Variants in PCDHGB5 observed in about 807,000 individuals in gnomAD.
PCDHGB5 encodes protocadherin gamma subfamily B, 5.
A neutral mutation model predicts 62.9 loss-of-function variants in PCDHGB5; 48 were observed. The observed-to-expected ratio is 0.76, with a 90% confidence interval of 0.61 to 0.97. The LOEUF (loss-of-function observed/expected upper bound fraction) is 0.97. Among genes scored for constraint, PCDHGB5 ranks in the 50% least tolerant of loss-of-function variants. The pLI is 0.00. For synonymous variants in PCDHGB5, 474 were observed against 511.2 expected, an observed-to-expected ratio of 0.93 and a Z score of 0.98; for missense variants, 1,118 against 1,198.6, an observed-to-expected ratio of 0.93 and a Z score of 0.99.
chr5:141,503,221 C>A (rs528636727), intron 2 of PCDHGB5, among the ~76,000 whole-genome samples: 2 of 151,956 alleles, frequency 1.3e-5, no homozygotes, highest in Non-Finnish European at 2.9e-5. Context: ...CCATGAGCAC[C>A]GTAAAGATGG....
chr5:141,482,102 A>T (rs1016315214), intron 1 of PCDHGB5, among the ~76,000 whole-genome samples: 13 of 151,860 alleles, frequency 8.6e-5, no homozygotes, highest in African/African-American at 2.7e-4. Context: ...AAAAAAAAAA[A>T]AAATATCTAG....
rs1203060261 is a variant in PCDHGB5, at chr5:141,493,037, AG to A, written c.2398-1768del. 3.3e-5 allele frequency among the ~76,000 whole-genome samples: 5 copies of A among 152,252 alleles called. No individual in the cohort carries two copies. The highest frequency in any genetic ancestry group is 2.6e-4 in the Admixed American group (4 of 15,290). ...AGATGCCAGGGTGCCCTTATGTGTG[AG>A]GAAACTACAATAGTAAAAAACACAA... is the stretch of plus-strand genomic sequence containing the variant. On this transcript the variant is annotated intron_variant, in intron 1 of 3. Transcript: ENST00000617380. This position sits in a 1 kb window ranked among gnomAD's most constrained non-coding sequence, Gnocchi z 4.3.
intron 1 of PCDHGB5, chr5:141,405,392 TTC>T (rs1477182661): frequency 6.3e-7 from 1 of 1,595,986 alleles, no homozygotes; most frequent in Non-Finnish European, 8.5e-7. Flanking sequence ...TTCATTTTTT[TTC>T]TTTCTTTCTT....
Position 141,408,776 on chromosome 5 carries a change from C to T in PCDHGB5, c.2397+8252C>T, listed in dbSNP as rs748401410. 54 of 1,611,566 alleles carry T rather than the reference C, an allele frequency of 3.4e-5. No homozygotes were observed. The highest frequency in any genetic ancestry group is 4.4e-5 in the Non-Finnish European group (52 of 1,178,840). On this transcript the variant is annotated intron_variant, in intron 1 of 3. Coordinates refer to ENST00000617380, the MANE Select transcript of PCDHGB5 (RefSeq NM_018925.3). Reference sequence around the variant, plus strand: ...AGTTAATTCCGATGGTGGCAAATACCCAGAGTTATCTCTGGAGAAACTCCT... The same window carrying T: ...AGTTAATTCCGATGGTGGCAAATACTCAGAGTTATCTCTGGAGAAACTCCT...
Position 141,423,157 on chromosome 5 carries a change from G to C in PCDHGB5, c.2397+22633G>C, listed in dbSNP as rs527921011. The C allele has an allele frequency of 7.4e-6, 12 of 1,610,820 alleles. No homozygotes were observed. The South Asian group carries it at 1.2e-4, about 16-fold the overall frequency. ...CAGAGACGCGCTCAAGCAGAGCCTC[G>C]TGGTGGCCGTCCAGGACCACGGCCA... On this transcript the variant is annotated intron_variant, in intron 1 of 3. Coordinates refer to ENST00000617380, the MANE Select transcript of PCDHGB5 (RefSeq NM_018925.3).
Position 141,489,492 on chromosome 5 carries a change from G to C in PCDHGB5, c.2398-5315G>C. On this transcript the variant is annotated intron_variant, in intron 1 of 3. Coordinates refer to ENST00000617380, the MANE Select transcript of PCDHGB5 (RefSeq NM_018925.3). This position sits in a 1 kb window ranked among gnomAD's most constrained non-coding sequence, Gnocchi z 4.5. The stretch of plus-strand genomic sequence containing the variant: ...CCCTGAGCTTGATGAGTGGTGCCCT[G>C]GCAGTGAATCAAAAGATTGACCGAG... The C allele has an allele frequency of 6.2e-7, 1 of 1,614,042 alleles. No homozygotes were observed. The highest frequency in any genetic ancestry group is 8.5e-7 in the Non-Finnish European group (1 of 1,180,034).
At chr5:141,467,597 A>T (rs2099147099) in intron 1 of PCDHGB5, among the ~76,000 whole-genome samples, 1 of 152,136 alleles carries the variant, frequency 6.6e-6, no homozygotes, top group Non-Finnish European at 1.5e-5. Flanking sequence ...TTTATTAAGC[A>T]CTTCATCTTT....
intron 1 of PCDHGB5, chr5:141,415,006 C>A (rs1353721901): frequency 6.2e-7 from 1 of 1,613,652 alleles, no homozygotes; most frequent in Non-Finnish European, 8.5e-7. Context: ...GCTGTCCTAC[C>A]GTCTGCTCAA....
intron 1 of PCDHGB5, chr5:141,418,046 G>A (rs757311166): frequency 1.9e-6 from 3 of 1,613,888 alleles, no homozygotes; most frequent in Admixed American, 3.3e-5. Flanking sequence ...GGATGTGTCG[G>A]CTCGCGAGCT....
intron 1 of PCDHGB5, chr5:141,414,177 T>G (rs370827396): frequency 1.7e-5 from 28 of 1,607,906 alleles, no homozygotes; most frequent in Non-Finnish European, 2.2e-5. Flanking sequence ...ATCTTGCAAC[T>G]GCAAAAGTGT....
At chr5:141,422,301 G>A (rs777697738) in intron 1 of PCDHGB5, 36 of 1,549,184 alleles carry the variant, frequency 2.3e-5, no homozygotes, top group Non-Finnish European at 3.1e-5. Flanking sequence ...ATTCAATTCT[G>A]GAAAACTCTC....
chr5:141,418,294 C>G, intron 1 of PCDHGB5: 1 of 1,613,988 alleles, frequency 6.2e-7, no homozygotes. Flanking sequence ...TCAGTGAATC[C>G]GTCAGCCTGG....
At chr5:141,505,505 G>A (rs2099846270) in intron 3 of PCDHGB5, 24 bp downstream of exon 3, 1 of 1,614,132 alleles carries the variant, frequency 6.2e-7, no homozygotes, top group Non-Finnish European at 8.5e-7. Flanking sequence ...GTGTGTGTAT[G>A]GAAGAGTGGG....
intron 3 of PCDHGB5, among the ~76,000 whole-genome samples, chr5:141,508,738 A>C (rs1596171196): frequency 7.1e-5 from 10 of 141,304 alleles, no homozygotes; most frequent in Admixed American, 1.4e-4. Context: ...TACACCCCCC[A>C]CCCCGCTCTT....
chr5:141,432,386 A>C lies in PCDHGB5; in HGVS notation c.2397+31862A>C. 1 of 1,614,204 alleles carries C rather than the reference A, an allele frequency of 6.2e-7. No homozygotes were observed. Among genetic ancestry groups the C allele is most frequent in the Non-Finnish European group, 8.5e-7 (1 of 1,180,032 alleles). ...GCGGGACAACGGGCACCCGCCCCTC[A>C]GCAGCAACGTGTCGTTGAGCCTGTT... On this transcript the variant is annotated intron_variant, in intron 1 of 3. Transcript: ENST00000617380. This position sits in a 1 kb window ranked among gnomAD's most constrained non-coding sequence, Gnocchi z 6.0.
At chr5:141,424,022 AAC>A (rs1390245883) in intron 1 of PCDHGB5, 1 of 1,046,586 alleles carries the variant, frequency 9.6e-7, no homozygotes, top group Non-Finnish European at 1.2e-6. Flanking sequence ...ATGATTCACA[AAC>A]ACTTTTTATT....
chr5:141,468,330 C>CAAAAAAAAAAA (rs533390277), intron 1 of PCDHGB5: 4 of 79,798 alleles, frequency 5.0e-5, no homozygotes, highest in Non-Finnish European at 1.1e-4. Flanking sequence ...AACTCCATCT[C>CAAAAAAAAAAA]AAAAAAAAAA....
chr5:141,486,263 G>GAACCTGGC lies in PCDHGB5; in HGVS notation c.2398-8542_2398-8535dup. 6.2e-7 allele frequency: 1 copy of GAACCTGGC among 1,614,090 alleles called. No homozygotes were observed. Among genetic ancestry groups the GAACCTGGC allele is most frequent in the South Asian group, 1.1e-5 (1 of 91,064 alleles). On this transcript the variant is annotated intron_variant, in intron 1 of 3. Coordinates refer to ENST00000617380, the MANE Select transcript of PCDHGB5 (RefSeq NM_018925.3). This position sits in a 1 kb window ranked among gnomAD's most constrained non-coding sequence, Gnocchi z 5.0. ...GCTTGGAACCCTCCCCGAGAGTGCAGAACCTGGCACTGTGGTGGCACTTAT... is the reference window on the plus strand; with the variant it reads ...GCTTGGAACCCTCCCCGAGAGTGCAGAACCTGGCAACCTGGCACTGTGGTGGCACTTAT...
chr5:141,430,766 C>T, intron 1 of PCDHGB5: 1 of 1,504,534 alleles, frequency 6.6e-7, no homozygotes, highest in Non-Finnish European at 8.9e-7. Context: ...AAGAATGATT[C>T]CTGCGCGACT....
Sources: allele counts gnomAD v4.1 joint callset (sites outside exome capture counted in the v4.1 genomes callset), GRCh38; gene constraint gnomAD v4.1.1; non-coding constraint Gnocchi (gnomAD v3.1); transcripts MANE v1.5; gene names NCBI Gene and HGNC (gene_info 2026-07-23, HGNC 2026-07-21).